The following GFM1 variants were observed in gnomAD, a reference collection of about 807,000 sequenced individuals.
GFM1 encodes the protein elongation factor G, mitochondrial.
GFM1 carries 62 observed loss-of-function variants against 96.2 expected under a neutral mutation model. The observed-to-expected ratio is 0.64, with a 90% CI of 0.53 to 0.80. The LOEUF is 0.80. GFM1 is among the 30% of genes least tolerant of loss of function. The probability of loss-of-function intolerance (pLI) is 0.00; values close to 1 mark genes in which losing one functional copy is unlikely to be tolerated. For synonymous variants in GFM1, 282 were observed against 312.9 expected, an observed-to-expected ratio of 0.90 and a Z score of 1.04; for missense variants, 852 against 916.6, an observed-to-expected ratio of 0.93 and a Z score of 0.91.
chr3:158,644,941 T>TCACTCAGA (rs1721632555), intron 1 of GFM1: 2 of 503,316 alleles, frequency 4.0e-6, no homozygotes, highest in Non-Finnish European at 7.3e-6. Flanking sequence ...AAAGTGTCTG[T>TCACTCAGA]CACTCAGATA....
At chr3:158,677,708 C>T (rs1190459538) in intron 13 of GFM1, among the ~76,000 whole-genome samples, 6 of 152,030 alleles carry the variant, frequency 3.9e-5, no homozygotes, top group East Asian at 1.9e-4. Flanking sequence ...TTTCACATGT[C>T]GGTCAAGCTG....
intron 5 of GFM1, among the ~76,000 whole-genome samples, chr3:158,651,364 T>C (rs1278794874): frequency 6.6e-6 from 1 of 152,218 alleles, no homozygotes; most frequent in East Asian, 1.9e-4. Flanking sequence ...AGAACTCAGA[T>C]GGGCCCTAGG....
At chr3:158,655,697 A>G in intron 8 of GFM1, 1 of 284,624 alleles carries the variant, frequency 3.5e-6, no homozygotes, top group Non-Finnish European at 7.0e-6. Flanking sequence ...ATTCCTGTAT[A>G]TCCTGCACCC....
Position 158,652,111 on chromosome 3 carries a change from T to A in GFM1, c.705T>A (p.Tyr235Ter), listed in dbSNP as rs201360324. The change falls in exon 6 of 18, where the codon TAT (tyrosine) becomes TAA (stop). Residue 235 changes from tyrosine (Y) to a stop codon, truncating the protein, a stop_gained. Transcript: ENST00000486715. LOFTEE classifies it high-confidence loss of function. Reference sequence around the variant, plus strand: ...GCTTTCTTAGTCAGATTGTTCGATATGGTGAGATTCCAGCTGAATTAAGGG... The same window carrying A: ...GCTTTCTTAGTCAGATTGTTCGATAAGGTGAGATTCCAGCTGAATTAAGGG... Reference protein sequence around the residue: ...FDGDFGQIVRYGEIPAELRAA... With the variant: ...FDGDFGQIVR The A allele has an allele frequency of 6.2e-7, 1 of 1,614,106 alleles. No individual in the cohort carries two copies. Among genetic ancestry groups the A allele is most frequent in the Non-Finnish European group, 8.5e-7 (1 of 1,179,968 alleles).
chr3:158,649,158 G>A lies in GFM1; in HGVS notation c.689+1G>A, dbSNP rs1449057162. 2 of 1,147,712 alleles carry A rather than the reference G, an allele frequency of 1.7e-6. No individual in the cohort carries two copies. The highest frequency in any genetic ancestry group is 2.6e-6 in the Non-Finnish European group (2 of 756,384). 71.1% of individuals were successfully genotyped at this position (1,147,712 alleles called of 1,614,324 possible). A position where few individuals can be genotyped will look rare whatever the true frequency, so the allele number is the denominator to read the frequency against. On this transcript the variant is annotated splice_donor_variant, in intron 5 of 17. Coordinates refer to ENST00000486715, the MANE Select transcript of GFM1 (RefSeq NM_024996.7). LOFTEE classifies it high-confidence loss of function. The stretch of plus-strand genomic sequence containing the variant: ...CCATCTATTTTGATGGAGACTTTGG[G>A]TAAGTGCTAAAAATACATTATTAAA...
intron 13 of GFM1, among the ~76,000 whole-genome samples, chr3:158,670,673 T>C (rs1724200744): frequency 6.6e-6 from 1 of 152,192 alleles, no homozygotes; most frequent in Admixed American, 6.5e-5. Flanking sequence ...GCAAAGATGA[T>C]CTGGAATATT....
chr3:158,690,435 T>G, intron 16 of GFM1, 112 bp downstream of exon 16: 1 of 1,005,170 alleles, frequency 9.9e-7, no homozygotes, highest in Admixed American at 1.8e-5. Context: ...TGTGGCTTTA[T>G]ACATGTGGCA....
chr3:158,675,675 T>A (rs1576776464), intron 13 of GFM1, among the ~76,000 whole-genome samples: 1 of 152,150 alleles, frequency 6.6e-6, no homozygotes, highest in Non-Finnish European at 1.5e-5. Flanking sequence ...TAAAGGAGTT[T>A]TAATCTTATA....
At chr3:158,654,702 C>T in intron 8 of GFM1, 71 bp downstream of exon 8, 3 of 982,890 alleles carry the variant, frequency 3.1e-6, no homozygotes, top group Non-Finnish European at 3.3e-6. Flanking sequence ...ATTCCTATTA[C>T]AGAATGACTC....
At chr3:158,682,394 T>C (rs1483243795) in intron 14 of GFM1, 9 of 481,964 alleles carry the variant, frequency 1.9e-5, no homozygotes, top group Non-Finnish European at 2.6e-5. Context: ...ATCATAGTTA[T>C]ATTTTTCTTA....
chr3:158,690,230 A>AT lies in GFM1; in HGVS notation c.1980dup (p.Gln661SerfsTer9). ...CTGTGGAAGTTGTAGCTCCAAATGA[A>AT]TTTCAGGGACAAGTAATTGCAGGAA... On this transcript the variant is annotated frameshift_variant, in exon 16 of 18. Coordinates refer to ENST00000486715, the MANE Select transcript of GFM1 (RefSeq NM_024996.7). LOFTEE classifies it high-confidence loss of function. 6.2e-7 allele frequency: 1 copy of AT among 1,613,788 alleles called. No homozygotes were observed. Among genetic ancestry groups the AT allele is most frequent in the Non-Finnish European group, 8.5e-7 (1 of 1,179,796 alleles).
intron 8 of GFM1, chr3:158,655,903 TCTC>T (rs1186818465): frequency 4.4e-5 from 20 of 457,248 alleles, no homozygotes; most frequent in African/African-American, 3.8e-4. Flanking sequence ...CTCCTTATGA[TCTC>T]CTAGGCTGTA....
At chr3:158,681,888 C>G in intron 13 of GFM1, 107 bp from the exon 14 acceptor site, 1 of 958,014 alleles carries the variant, frequency 1.0e-6, no homozygotes, top group Non-Finnish European at 1.6e-6. Flanking sequence ...CCATCATATT[C>G]AAATGAAAAA....
In GFM1 at chr3:158,684,571, C is replaced by G; in HGVS notation, c.1812C>G (p.Leu604=). The G allele has an allele frequency of 6.2e-7, 1 of 1,614,094 alleles. No homozygotes were observed. Among genetic ancestry groups the G allele is most frequent in the Non-Finnish European group, 8.5e-7 (1 of 1,179,986 alleles). The part of the protein sequence containing the change: ...CEKGPLSGHK[L]SGLRFVLQDG... The stretch of plus-strand genomic sequence containing the variant: ...AGGGCCCTCTTTCTGGTCACAAGCT[C>G]TCTGGGCTCCGGTTTGTCCTGCAAG... The change falls in exon 15 of 18, where the codon CTC becomes CTG. Residue 604 remains leucine (L), a synonymous_variant. Coordinates refer to ENST00000486715, the MANE Select transcript of GFM1 (RefSeq NM_024996.7).
At chr3:158,659,191 G>A (rs1047730843) in intron 9 of GFM1, 132 bp downstream of exon 9, 1 of 1,045,202 alleles carries the variant, frequency 9.6e-7, no homozygotes, top group Non-Finnish European at 1.4e-6. Flanking sequence ...CTACTTAAAT[G>A]TGTTGTAGCT....
intron 13 of GFM1, among the ~76,000 whole-genome samples, chr3:158,672,978 A>G (rs971348928): frequency 6.6e-6 from 1 of 152,106 alleles, no homozygotes; most frequent in African/African-American, 2.4e-5. Flanking sequence ...TTCCTTATAC[A>G]CCGCATGCAG....
intron 15 of GFM1, among the ~76,000 whole-genome samples, chr3:158,687,074 C>T (rs1725924004): frequency 6.6e-6 from 1 of 152,114 alleles, no homozygotes; most frequent in Non-Finnish European, 1.5e-5. Flanking sequence ...ATGATCTTGA[C>T]TTACTGCAAC....
At chr3:158,669,328 TGTAA>T (rs1724036672) in intron 13 of GFM1, 2 of 1,288,822 alleles carry the variant, frequency 1.6e-6, no homozygotes, top group Admixed American at 2.7e-5. Flanking sequence ...TGCAAAAGCC[TGTAA>T]GTTTCTAACA....
At chr3:158,644,835 G>T (rs1431462525) in intron 1 of GFM1, 120 bp downstream of exon 1, 2 of 841,136 alleles carry the variant, frequency 2.4e-6, no homozygotes, top group Non-Finnish European at 4.0e-6. Context: ...AATACTGGCA[G>T]TCGCTCGTCA....
Sources: allele counts gnomAD v4.1 joint callset (sites outside exome capture counted in the v4.1 genomes callset), GRCh38; gene constraint gnomAD v4.1.1; transcripts MANE v1.5; gene names NCBI Gene and HGNC (gene_info 2026-07-23, HGNC 2026-07-21).